The following LIMK1 variants were observed in gnomAD, a reference collection of about 807,000 sequenced individuals.
LIMK1 encodes LIM motif-containing protein kinase.
LIMK1 carries 21 observed loss-of-function variants against 77.6 expected under a neutral mutation model. The ratio of observed to expected loss-of-function variants is 0.27; its 90% CI spans 0.19 to 0.39. The LOEUF (loss-of-function observed/expected upper bound fraction) is 0.39. Among genes scored for constraint, LIMK1 ranks in the 10% least tolerant of loss-of-function variants. The pLI, the probability that LIMK1 is intolerant of heterozygous loss-of-function variation, is 1.00. For missense variants in LIMK1, 696 were observed against 901.6 expected (o/e 0.77, Z 2.92); for synonymous variants, 358 against 370.0 (o/e 0.97, Z 0.37).
chr7:74,085,753 G>C lies in LIMK1; in HGVS notation c.61G>C (p.Glu21Gln). 2 of 1,556,460 alleles carry C rather than the reference G, an allele frequency of 1.3e-6. No individual in the cohort carries two copies. Among genetic ancestry groups the C allele is most frequent in the Non-Finnish European group, 1.7e-6 (2 of 1,149,838 alleles). The change falls in exon 2 of 16, where the codon GAG becomes CAG. Residue 21 changes from glutamate to glutamine, a missense_variant. Glu to Gln is a conservative substitution (Grantham distance 29, BLOSUM62 2). Around this residue, in one of 3 missense-constraint regions of LIMK1, gnomAD observed 252 missense variants for 279.4 expected, o/e 0.90. Transcript: ENST00000336180. The part of the protein sequence containing the change: ...REERMGEEGS[E>Q]LPVCASCGQR... The stretch of plus-strand genomic sequence containing the variant: ...ACTCCCTTCCCACCCTGCAGGAAGC[G>C]AGTTGCCCGTGTGTGCAAGCTGCGG...
intron 10 of LIMK1, chr7:74,110,979 T>TC (rs1446602729): frequency 6.6e-6 from 1 of 152,302 alleles, no homozygotes; most frequent in Non-Finnish European, 1.5e-5. Context: ...CTCACGCCTG[T>TC]AATGCCAGCA....
At chr7:74,091,357 C>A (rs1179617437) in intron 2 of LIMK1, among the ~76,000 whole-genome samples, 2 of 151,950 alleles carry the variant, frequency 1.3e-5, no homozygotes, top group African/African-American at 4.8e-5. Context: ...GACTCCATCT[C>A]TACAAAAAAA....
intron 5 of LIMK1, among the ~76,000 whole-genome samples, chr7:74,100,958 C>T (rs575941928): frequency 2.1e-4 from 31 of 149,530 alleles, no homozygotes; most frequent in African/African-American, 7.2e-4. Context: ...AGGATGGTCT[C>T]GATCTCCTGA....
rs1474840437 is a variant in LIMK1 at position 74,107,088 on chromosome 7, C to T, written c.960C>T (p.Arg320=). 2 of 1,611,264 alleles carry T rather than the reference C, an allele frequency of 1.2e-6. No individual in the cohort carries two copies. Among genetic ancestry groups the T allele is most frequent in the Non-Finnish European group, 1.7e-6 (2 of 1,179,446 alleles). ...SPASQRKDLG[R]SESLRVVCRP... ...CCTCCCAGCGCAAGGACCTGGGTCG[C>T]TCTGAGTCCCTCCGCGTAGTCTGCC... The change falls in exon 8 of 16, where the codon CGC becomes CGT. Residue 320 remains arginine (R), a synonymous_variant. Coordinates refer to ENST00000336180, the MANE Select transcript of LIMK1 (RefSeq NM_002314.4).
In LIMK1 at chr7:74,099,043, A is replaced by G. The variant is rs1799397413; in HGVS notation, c.413A>G (p.Tyr138Cys). The change falls in exon 5 of 16, where the codon TAC becomes TGC. Residue 138 changes from tyrosine (Y) to cysteine (C), a missense_variant. Physicochemically the swap from Tyr to Cys is radical, Grantham distance 194. Coordinates refer to ENST00000336180, the MANE Select transcript of LIMK1 (RefSeq NM_002314.4). ...EHSKLYCGHC[Y>C]YQTVVTPVIE... is the part of the protein sequence containing the mutation. ...GGCGGCTCTTGCAGCGGGCACTGCT[A>G]CTACCAGACTGTGGTGACCCCCGTC... is the stretch of plus-strand genomic sequence containing the variant. 4 of 1,611,368 alleles carry G rather than the reference A, an allele frequency of 2.5e-6. No homozygotes were observed. Among genetic ancestry groups the G allele is most frequent in the Non-Finnish European group, 2.5e-6 (3 of 1,179,670 alleles).
chr7:74,101,859 C>T lies in LIMK1; in HGVS notation c.608+2621C>T, dbSNP rs569586222. The stretch of plus-strand genomic sequence containing the variant: ...TTTTTTTTTGAGACAGGGTCTTGCT[C>T]TGTCATACAGGCTGGAGTGCAGTGG... On this transcript the variant is annotated intron_variant, in intron 5 of 15. Coordinates refer to ENST00000336180, the MANE Select transcript of LIMK1 (RefSeq NM_002314.4). Among the ~76,000 whole-genome samples the T allele has an allele frequency of 1.7e-4, 26 of 152,026 alleles. No individual in the cohort carries two copies. In the South Asian group the frequency reaches 4.8e-3, roughly 28 times the overall value.
chr7:74,089,314 G>T (rs1257555567), intron 2 of LIMK1, among the ~76,000 whole-genome samples: 3 of 152,156 alleles, frequency 2.0e-5, no homozygotes, highest in African/African-American at 4.8e-5. Flanking sequence ...TTTGAGACCA[G>T]TGTGGGCAAC....
chr7:74,101,191 C>T (rs1799452808), intron 5 of LIMK1, among the ~76,000 whole-genome samples: 1 of 152,178 alleles, frequency 6.6e-6, no homozygotes, highest in African/African-American at 2.4e-5. Context: ...TTGACATCAG[C>T]CAAGCCAGCA....
rs1162149400 is a variant in LIMK1, at chr7:74,115,814, G to T, written c.1423G>T (p.Val475Leu). Residue 475 changes from valine to leucine, a missense_variant, in exon 13 of 16, where the codon GTG (valine) becomes TTG (leucine). Transcript: ENST00000336180. ...NCLVRENKNV[V>L]VADFGLARLM... is the part of the protein sequence containing the mutation. ...TTCACCTTCCCAGAACAAGAATGTG[G>T]TGGTGGCTGACTTCGGGCTGGCGCG... The T allele has an allele frequency of 8.1e-6, 13 of 1,614,012 alleles. No individual in the cohort carries two copies. The highest frequency in any genetic ancestry group is 1.0e-5 in the Non-Finnish European group (12 of 1,180,008).
chr7:74,086,190 C>A (rs890222444), intron 2 of LIMK1, among the ~76,000 whole-genome samples: 1 of 150,712 alleles, frequency 6.6e-6, no homozygotes, highest in Non-Finnish European at 1.5e-5. Flanking sequence ...GGATTACAGG[C>A]GTGCACCACC....
In LIMK1 at chr7:74,106,106, C is replaced by T. The variant is rs372591662; in HGVS notation, c.744C>T (p.Arg248=). Residue 248 remains arginine (R), a synonymous_variant, in exon 7 of 16, where the codon CGC becomes CGT. Transcript: ENST00000336180. ...EIDLLIQETS[R]LLQLTLEHDP... is the part of the protein sequence containing the mutation. The stretch of plus-strand genomic sequence containing the variant: ...ACCTGCTGATTCAGGAAACCAGCCG[C>T]CTGCTCCAGCTGACCCTCGAGCATG... 2.9e-5 allele frequency: 46 copies of T among 1,614,024 alleles called. No individual in the cohort carries two copies. Among genetic ancestry groups the T allele is most frequent in the Non-Finnish European group, 3.5e-5 (41 of 1,180,036 alleles).
At chr7:74,094,627 C>T (rs1181934877) in intron 2 of LIMK1, among the ~76,000 whole-genome samples, 2 of 152,196 alleles carry the variant, frequency 1.3e-5, no homozygotes, top group African/African-American at 2.4e-5. Context: ...GACCCAAAGT[C>T]GGCCTGGCCT....
chr7:74,103,265 T>C (rs1397632106), intron 5 of LIMK1, among the ~76,000 whole-genome samples: 1 of 151,304 alleles, frequency 6.6e-6, no homozygotes, highest in Non-Finnish European at 1.5e-5. Context: ...TTTTTTTTTT[T>C]TTTTAAAAAG....
intron 2 of LIMK1, chr7:74,093,313 C>G (rs887559752): frequency 3.3e-6 from 5 of 1,535,706 alleles, no homozygotes; most frequent in Non-Finnish European, 4.4e-6. Context: ...AGTGGGAATC[C>G]CCCTCCCTAC....
In LIMK1 at chr7:74,121,741, G is replaced by A. The variant is rs7810262; in HGVS notation, c.*440G>A. On this transcript the variant is annotated 3_prime_UTR_variant, in exon 16 of 16. Coordinates refer to ENST00000336180, the MANE Select transcript of LIMK1 (RefSeq NM_002314.4). ...GGGTGCGTGGGAGGGCGCACATCAG[G>A]GCAGAGGCCAAGTTCCAGGTGTCTG... The A allele has an allele frequency of 4.2e-3, 682 of 161,450 alleles. 2 individuals are homozygous for A. The highest frequency in any genetic ancestry group is 6.5e-3 in the Non-Finnish European group (485 of 74,658). The allele number at this position is 161,450 out of a possible 1,614,324, so 10.0% of individuals were successfully genotyped here. A position where few individuals can be genotyped will look rare whatever the true frequency, so the allele number is the denominator to read the frequency against.
chr7:74,112,368 G>A (rs1328245307), intron 12 of LIMK1, among the ~76,000 whole-genome samples: 2 of 152,162 alleles, frequency 1.3e-5, no homozygotes, highest in Non-Finnish European at 2.9e-5. Flanking sequence ...CCAGCATCTG[G>A]GGGCCACAGA....
At chr7:74,107,557 C>T (rs1799602060) in intron 8 of LIMK1, among the ~76,000 whole-genome samples, 1 of 151,992 alleles carries the variant, frequency 6.6e-6, no homozygotes, top group Non-Finnish European at 1.5e-5. Context: ...GTGGTGCATG[C>T]CTGTGGTCCC....
chr7:74,102,176 T>C (rs1406509223), intron 5 of LIMK1, among the ~76,000 whole-genome samples: 1 of 152,160 alleles, frequency 6.6e-6, no homozygotes, highest in East Asian at 1.9e-4. Context: ...ATATTTTCTT[T>C]GGTTTTTTTC....
chr7:74,091,018 A>G (rs942730157), intron 2 of LIMK1, among the ~76,000 whole-genome samples: 1 of 151,986 alleles, frequency 6.6e-6, no homozygotes, highest in Non-Finnish European at 1.5e-5. Flanking sequence ...GGTTCACACC[A>G]TTCTCCTGCC....
Sources: allele counts gnomAD v4.1 joint callset (sites outside exome capture counted in the v4.1 genomes callset), GRCh38; gene constraint gnomAD v4.1.1; regional missense constraint gnomAD v4.1.1; transcripts MANE v1.5; gene names NCBI Gene and HGNC (gene_info 2026-07-23, HGNC 2026-07-21).